Variants in MBD3 observed in about 807,000 individuals in gnomAD.
MBD3 encodes methyl-CpG-binding domain protein 3.
A neutral mutation model predicts 31.2 loss-of-function variants in MBD3; 13 were observed. The ratio of observed to expected loss-of-function variants is 0.42; its 90% CI spans 0.27 to 0.66. The LOEUF is 0.66. Among genes scored for constraint, MBD3 ranks in the 30% least tolerant of loss-of-function variants. MBD3 has a pLI of 0.26. For missense variants in MBD3, 440 were observed against 426.5 expected (o/e 1.03, Z -0.28); for synonymous variants, 223 against 187.4 (o/e 1.19, Z -1.55).
Position 1,576,936 on chromosome 19 carries a change from A to C in MBD3, c.*1228T>G, listed in dbSNP as rs533436877. The C allele has an allele frequency of 6.6e-6, 1 of 152,330 alleles. No individual in the cohort carries two copies. The highest frequency in any genetic ancestry group is 1.5e-5 in the Non-Finnish European group (1 of 68,108). The allele number at this position is 152,330 out of a possible 1,614,324, so 9.4% of individuals were successfully genotyped here. A position where few individuals can be genotyped will look rare whatever the true frequency, so the allele number is the denominator to read the frequency against. ...CCACTGCCTCCATGCGGGTCCTTGGAGGGCAGACGGTGGAGCGGCGCTTCC... is the reference window on the plus strand; with the variant it reads ...CCACTGCCTCCATGCGGGTCCTTGGCGGGCAGACGGTGGAGCGGCGCTTCC... On this transcript the variant is annotated 3_prime_UTR_variant, in exon 7 of 7. Coordinates refer to ENST00000434436, the MANE Select transcript of MBD3 (RefSeq NM_001281453.2).
intron 1 of MBD3, among the ~76,000 whole-genome samples, chr19:1,590,612 G>GA (rs1235656568): frequency 6.0e-5 from 9 of 151,046 alleles, no homozygotes; most frequent in South Asian, 2.1e-4. Flanking sequence ...CTGTCTCAAA[G>GA]AAAAAAAACA....
chr19:1,573,627 T>C lies in MBD3; in HGVS notation c.*4537A>G, dbSNP rs1315173171. On this transcript the variant is annotated 3_prime_UTR_variant, in exon 7 of 7. Transcript: ENST00000434436. ...ACAGGAGCATTTTATTGCTTGTAAA[T>C]TACATCTCAAAAAACCCACTTCACA... is the stretch of plus-strand genomic sequence containing the variant. The C allele has an allele frequency of 6.6e-6, 1 of 152,204 alleles. No individual in the cohort carries two copies. Among genetic ancestry groups the C allele is most frequent in the Non-Finnish European group, 1.5e-5 (1 of 68,036 alleles). The allele number at this position is 152,204 out of a possible 1,614,324, so 9.4% of individuals were successfully genotyped here. A position where few individuals can be genotyped will look rare whatever the true frequency, so the allele number is the denominator to read the frequency against.
rs199708114 is a variant in MBD3, at chr19:1,584,500, C to G, written c.408+40G>C. 13 of 1,609,136 alleles carry G rather than the reference C, an allele frequency of 8.1e-6. No individual in the cohort carries two copies. In the East Asian group the frequency reaches 2.9e-4, roughly 36 times the overall value. ...AACGTCCACCCACCAAAGTGAACAA[C>G]CCGGCCGGGAAGGCTGGGGTCGCTG... is the stretch of plus-strand genomic sequence containing the variant. On this transcript the variant is annotated intron_variant, in intron 3 of 6. Coordinates refer to ENST00000434436, the MANE Select transcript of MBD3 (RefSeq NM_001281453.2).
Position 1,578,280 on chromosome 19 carries a change from G to A in MBD3, c.*5+55C>T, listed in dbSNP as rs1229132028. 2 of 1,597,620 alleles carry A rather than the reference G, an allele frequency of 1.3e-6. No individual in the cohort carries two copies. Among genetic ancestry groups the A allele is most frequent in the South Asian group, 1.1e-5 (1 of 90,900 alleles). ...ATCCCAAGCACATCTGTGTTCACCA[G>A]GCAGTCCCCACTGCCAGGACCCGAC... is the stretch of plus-strand genomic sequence containing the variant. On this transcript the variant is annotated intron_variant, in intron 6 of 6. Coordinates refer to ENST00000434436, the MANE Select transcript of MBD3 (RefSeq NM_001281453.2). The surrounding 1 kb of genome is among the most constrained non-coding windows in gnomAD (Gnocchi z 6.1).
At chr19:1,579,126 G>A (rs941413227) in intron 5 of MBD3, among the ~76,000 whole-genome samples, 1 of 148,564 alleles carries the variant, frequency 6.7e-6, no homozygotes, top group African/African-American at 2.5e-5. Flanking sequence ...GGAGGTTGCA[G>A]TGGGCTGGGA....
chr19:1,581,556 A>G (rs1295436719), intron 4 of MBD3: 5 of 506,648 alleles, frequency 9.9e-6, no homozygotes, highest in Non-Finnish European at 1.8e-5. Flanking sequence ...CAGCCTGGAC[A>G]ACACAGTGAG....
rs1439806685 is a variant in MBD3, at chr19:1,576,402, C to T, written c.*1762G>A. 1 of 152,258 alleles carries T rather than the reference C, an allele frequency of 6.6e-6. No individual in the cohort carries two copies. The highest frequency in any genetic ancestry group is 6.5e-5 in the Admixed American group (1 of 15,278). 9.4% of individuals were successfully genotyped at this position (152,258 alleles called of 1,614,324 possible). ...AAGGAGCGGTGCTGGGTCTGAGCCC[C>T]AGCCCATCTTCCTCACCGGGGCAGC... On this transcript the variant is annotated 3_prime_UTR_variant, in exon 7 of 7. Coordinates refer to ENST00000434436, the MANE Select transcript of MBD3 (RefSeq NM_001281453.2).
In MBD3 at chr19:1,574,861, T is replaced by C. The variant is rs1247563625; in HGVS notation, c.*3303A>G. On this transcript the variant is annotated 3_prime_UTR_variant, in exon 7 of 7. Coordinates refer to ENST00000434436, the MANE Select transcript of MBD3 (RefSeq NM_001281453.2). The stretch of plus-strand genomic sequence containing the variant: ...TCTTTGCGGTGGCGAGTGTGTGCGG[T>C]GGTCAGAAGGGCTGTCCCTGTCTGC... 4.5e-6 allele frequency: 1 copy of C among 221,780 alleles called. No individual in the cohort carries two copies. The highest frequency in any genetic ancestry group is 2.4e-5 in the African/African-American group (1 of 42,208). 13.7% of individuals were successfully genotyped at this position (221,780 alleles called of 1,614,324 possible). A position where few individuals can be genotyped will look rare whatever the true frequency, so the allele number is the denominator to read the frequency against.
intron 1 of MBD3, among the ~76,000 whole-genome samples, chr19:1,589,003 T>C (rs1442391641): frequency 6.6e-6 from 1 of 152,106 alleles, no homozygotes; most frequent in Non-Finnish European, 1.5e-5. Flanking sequence ...TAAATGACTG[T>C]ATTGTATGGT....
Position 1,585,187 on chromosome 19 carries a change from C to T in MBD3, c.138G>A (p.Lys46=), listed in dbSNP as rs2060673299. The change falls in exon 2 of 7, where the codon AAG becomes AAA. Residue 46 remains lysine (K), a synonymous_variant. Transcript: ENST00000434436. The surrounding 1 kb of genome is among the most constrained non-coding windows in gnomAD (Gnocchi z 4.1). ...YSPSGKKFRS[K]PQLARYLGGS... is the part of the protein sequence containing the mutation. Reference sequence around the variant, plus strand: ...CGCCCAGGTAGCGCGCCAGCTGCGGCTTGCTGCGGAACTTCTTCCCGCTCG... The same window carrying T: ...CGCCCAGGTAGCGCGCCAGCTGCGGTTTGCTGCGGAACTTCTTCCCGCTCG... 1.2e-6 allele frequency: 2 copies of T among 1,604,752 alleles called. No individual in the cohort carries two copies. Among genetic ancestry groups the T allele is most frequent in the East Asian group, 4.5e-5 (2 of 44,748 alleles).
Position 1,592,787 on chromosome 19 carries a change from C to A in MBD3, c.-156G>T, listed in dbSNP as rs2060712894. Reference sequence around the variant, plus strand: ...CCCCCGCCCTCCGCCCCCAGCCGGGCGCGCGCCGGCTTTGCCGCCCTTTCG... The same window carrying A: ...CCCCCGCCCTCCGCCCCCAGCCGGGAGCGCGCCGGCTTTGCCGCCCTTTCG... On this transcript the variant is annotated 5_prime_UTR_variant, in exon 1 of 7. Coordinates refer to ENST00000434436, the MANE Select transcript of MBD3 (RefSeq NM_001281453.2). 1 of 147,888 alleles carries A rather than the reference C, an allele frequency of 6.8e-6. No individual in the cohort carries two copies. Among genetic ancestry groups the A allele is most frequent in the African/African-American group, 2.5e-5 (1 of 39,810 alleles). 9.2% of individuals were successfully genotyped at this position (147,888 alleles called of 1,614,324 possible). A position where few individuals can be genotyped will look rare whatever the true frequency, so the allele number is the denominator to read the frequency against.
chr19:1,589,902 G>A (rs1179132293), intron 1 of MBD3, among the ~76,000 whole-genome samples: 1 of 152,192 alleles, frequency 6.6e-6, no homozygotes, highest in African/African-American at 2.4e-5. Flanking sequence ...AGGGGCTGGG[G>A]GAGTAACAAG....
chr19:1,584,716 C>T, intron 2 of MBD3, 39 bp from the exon 3 acceptor site: 2 of 1,595,682 alleles, frequency 1.3e-6, no homozygotes, highest in South Asian at 2.2e-5. Context: ...CTGGGGGCGC[C>T]CCGGCGGCGC....
In MBD3 at chr19:1,592,687, T is replaced by G; in HGVS notation, c.-56A>C. 1 of 642,176 alleles carries G rather than the reference T, an allele frequency of 1.6e-6. No homozygotes were observed. Among genetic ancestry groups the G allele is most frequent in the Non-Finnish European group, 2.0e-6 (1 of 501,356 alleles). 39.8% of individuals were successfully genotyped at this position (642,176 alleles called of 1,614,324 possible). On this transcript the variant is annotated 5_prime_UTR_variant, in exon 1 of 7. Coordinates refer to ENST00000434436, the MANE Select transcript of MBD3 (RefSeq NM_001281453.2). ...CCGCCGCCGCCGCCCGGACCCCCAC[T>G]CGCCGCCGCCGCCTCAGCTGCCTCC...
rs2060675476 is a variant in MBD3, at chr19:1,585,566, TCC to T, written c.111-354_111-353del. On this transcript the variant is annotated intron_variant, in intron 1 of 6. Transcript: ENST00000434436. The surrounding 1 kb of genome is among the most constrained non-coding windows in gnomAD (Gnocchi z 4.1). ...CCCAACCCCGGTCCCCTCTGAATCC[TCC>T]CCACCGTAGGCCCTGGCAGCGTCAG... 6.9e-6 allele frequency: 2 copies of T among 291,078 alleles called. No individual in the cohort carries two copies. The highest frequency in any genetic ancestry group is 3.9e-5 in the South Asian group (1 of 25,542). The allele number at this position is 291,078 out of a possible 1,614,324, so 18.0% of individuals were successfully genotyped here.
At chr19:1,589,496 T>C (rs2060694431) in intron 1 of MBD3, among the ~76,000 whole-genome samples, 2 of 150,976 alleles carry the variant, frequency 1.3e-5, no homozygotes, top group South Asian at 4.2e-4. Flanking sequence ...CTATTAAAAA[T>C]ATAAAAATTA....
intron 4 of MBD3, 41 bp downstream of exon 4, chr19:1,582,581 C>A (rs374183018): frequency 1.9e-6 from 3 of 1,589,038 alleles, no homozygotes; most frequent in Admixed American, 1.7e-5. Context: ...CCACCCCACC[C>A]GGCACATCCC....
In MBD3 at chr19:1,576,872, T is replaced by C. The variant is rs1250843560; in HGVS notation, c.*1292A>G. On this transcript the variant is annotated 3_prime_UTR_variant, in exon 7 of 7. Transcript: ENST00000434436. ...CCCTTGAGCCCGTCCTGAGGATTTG[T>C]GCTTTGACTCTGACAGGGAGCAGCA... The C allele has an allele frequency of 6.6e-6, 1 of 152,326 alleles. No homozygotes were observed. Among genetic ancestry groups the C allele is most frequent in the Non-Finnish European group, 1.5e-5 (1 of 68,094 alleles). 9.4% of individuals were successfully genotyped at this position (152,326 alleles called of 1,614,324 possible). A position where few individuals can be genotyped will look rare whatever the true frequency, so the allele number is the denominator to read the frequency against.
rs2060687367 is a variant in MBD3 at position 1,588,068 on chromosome 19, T to C, written c.111-2854A>G. Among the ~76,000 whole-genome samples, 2 of 152,334 alleles carry C rather than the reference T, an allele frequency of 1.3e-5. 1 individual carries two copies. The highest frequency in any genetic ancestry group is 4.1e-4 in the South Asian group (2 of 4,828). ...GTCCCATGCTTAGCTCAATCGCCTC[T>C]ATCCAGGATCTATGTACTGGGCCGA... On this transcript the variant is annotated intron_variant, in intron 1 of 6. Coordinates refer to ENST00000434436, the MANE Select transcript of MBD3 (RefSeq NM_001281453.2).
Sources: allele counts gnomAD v4.1 joint callset (sites outside exome capture counted in the v4.1 genomes callset), GRCh38; gene constraint gnomAD v4.1.1; non-coding constraint Gnocchi (gnomAD v3.1); transcripts MANE v1.5; gene names NCBI Gene and HGNC (gene_info 2026-07-23, HGNC 2026-07-21).